The following C11orf65 variants were observed in gnomAD, a reference collection of about 807,000 sequenced individuals.
C11orf65 encodes chromosome 11 open reading frame 65.
Under a neutral mutation model 35.3 loss-of-function variants are expected in C11orf65, and 38 were observed. The observed-to-expected ratio is 1.08, with a 90% CI of 0.83 to 1.41. The LOEUF (loss-of-function observed/expected upper bound fraction) is 1.41, where lower values mean the gene tolerates loss of function less well. C11orf65 is among the 40% of genes most tolerant of loss of function. The pLI is 0.00. For synonymous variants in C11orf65, 105 were observed against 114.4 expected (o/e 0.92, Z 0.53); for missense variants, 370 against 367.1 (o/e 1.01, Z -0.06).
At chr11:108,445,327 C>G (rs1374574467) in intron 2 of C11orf65, among the ~76,000 whole-genome samples, 1 of 152,164 alleles carries the variant, frequency 6.6e-6, no homozygotes, top group African/African-American at 2.4e-5. Context: ...TCCCTGACCC[C>G]CGAGCAGCCT....
intron 2 of C11orf65, among the ~76,000 whole-genome samples, chr11:108,438,472 A>G (rs968769390): frequency 1.3e-5 from 2 of 151,794 alleles, no homozygotes; most frequent in Non-Finnish European, 2.9e-5. Flanking sequence ...AATCCCTCAA[A>G]CCTGGGAGGC....
chr11:108,431,979 G>A, intron 2 of C11orf65, 141 bp from the exon 3 acceptor site: 2 of 451,768 alleles, frequency 4.4e-6, no homozygotes, highest in South Asian at 1.1e-4. Context: ...GAAATATTAT[G>A]CACTCAGGGT....
chr11:108,321,953 A>G (rs567081787), intron 6 of C11orf65, among the ~76,000 whole-genome samples: 2 of 152,154 alleles, frequency 1.3e-5, no homozygotes, highest in African/African-American at 4.8e-5. Flanking sequence ...TTTTCTCTTT[A>G]TAACTTTTTC....
At chr11:108,355,013 T>C in intron 2 of C11orf65, 1 of 747,910 alleles carries the variant, frequency 1.3e-6, no homozygotes, top group Non-Finnish European at 2.3e-6. Flanking sequence ...AGGAGGAGAT[T>C]GTGCACTTAG....
intron 2 of C11orf65, among the ~76,000 whole-genome samples, chr11:108,445,355 C>A (rs549992679): frequency 6.6e-5 from 10 of 152,308 alleles, no homozygotes; most frequent in African/African-American, 7.2e-5. Flanking sequence ...AGGCACCCCC[C>A]AGTAAGGGCA....
At chr11:108,435,575 CCT>C (rs1264920927) in intron 2 of C11orf65, among the ~76,000 whole-genome samples, 2 of 152,100 alleles carry the variant, frequency 1.3e-5, no homozygotes, top group South Asian at 2.1e-4. Flanking sequence ...TTCCTCCACC[CCT>C]GAGCAAGGAA....
At chr11:108,389,332 G>GC (rs2092091235) in intron 7 of C11orf65, among the ~76,000 whole-genome samples, 1 of 152,202 alleles carries the variant, frequency 6.6e-6, no homozygotes, top group Non-Finnish European at 1.5e-5. Context: ...GCTAGGGGAA[G>GC]GCCTTTGCAA....
At chr11:108,338,161 C>A (rs1038342050) in intron 2 of C11orf65, among the ~76,000 whole-genome samples, 4 of 152,176 alleles carry the variant, frequency 2.6e-5, no homozygotes, top group African/African-American at 9.7e-5. Flanking sequence ...CCAGCCTGGC[C>A]AACATGGCCA....
chr11:108,342,983 G>A (rs1591245743), intron 2 of C11orf65, among the ~76,000 whole-genome samples: 1 of 152,152 alleles, frequency 6.6e-6, no homozygotes, highest in African/African-American at 2.4e-5. Flanking sequence ...TCAGAGAATC[G>A]TGGGGATTGA....
At chr11:108,409,197 A>G (rs1036362480) in intron 3 of C11orf65, among the ~76,000 whole-genome samples, 5 of 152,318 alleles carry the variant, frequency 3.3e-5, no homozygotes, top group South Asian at 4.1e-4. Flanking sequence ...TTTCACTGCT[A>G]TCTAACATTC....
intron 3 of C11orf65, among the ~76,000 whole-genome samples, chr11:108,414,350 GA>G (rs1236871245): frequency 6.7e-5 from 10 of 148,594 alleles, no homozygotes; most frequent in East Asian, 2.0e-4. Flanking sequence ...AATGGTGAAG[GA>G]AAAAAAAAGA....
chr11:108,446,298 C>T (rs1368696298), intron 2 of C11orf65, among the ~76,000 whole-genome samples: 1 of 151,230 alleles, frequency 6.6e-6, no homozygotes, highest in Non-Finnish European at 1.5e-5. Flanking sequence ...AAAGATACTC[C>T]TTGAGAAGAG....
At chr11:108,365,797 A>G (rs2091286003) in intron 2 of C11orf65, 3 of 406,374 alleles carry the variant, frequency 7.4e-6, no homozygotes, top group Admixed American at 7.9e-5. Context: ...GCGGATCACA[A>G]GGTCAGGAGT....
intron 6 of C11orf65, among the ~76,000 whole-genome samples, chr11:108,317,703 T>C (rs986680916): frequency 7.0e-6 from 1 of 143,458 alleles, no homozygotes; most frequent in Admixed American, 7.0e-5. Flanking sequence ...ATATATATAG[T>C]GTGTATGTGT....
At chr11:108,400,672 G>GC (rs1258157589) in intron 6 of C11orf65, among the ~76,000 whole-genome samples, 1 of 152,170 alleles carries the variant, frequency 6.6e-6, no homozygotes, top group African/African-American at 2.4e-5. Context: ...AAGCCTCGCT[G>GC]CAATTGTGCC....
chr11:108,450,806 A>C (rs1359882701), intron 2 of C11orf65, among the ~76,000 whole-genome samples: 2 of 151,920 alleles, frequency 1.3e-5, no homozygotes, highest in African/African-American at 2.4e-5. Context: ...AGCCTTATCC[A>C]CCATGATCAA....
rs768791795 is a variant in C11orf65, at chr11:108,325,440, A to G, written c.641-16369T>C. The G allele has an allele frequency of 1.9e-6, 3 of 1,613,602 alleles. No individual in the cohort carries two copies. The highest frequency in any genetic ancestry group is 2.5e-6 in the Non-Finnish European group (3 of 1,179,852). On this transcript the variant is annotated intron_variant, in intron 6 of 6. Transcript: ENST00000525729. ...ACGCACAGTCATTTTGGAGATCCTG[A>G]TGGAAAAGGAAATGGACAACTCACA... is the stretch of plus-strand genomic sequence containing the variant.
intron 2 of C11orf65, among the ~76,000 whole-genome samples, chr11:108,353,146 A>G (rs138682334): frequency 6.6e-6 from 1 of 152,050 alleles, no homozygotes; most frequent in East Asian, 1.9e-4. Flanking sequence ...ATCTCATAAA[A>G]TGTCATTAAT....
chr11:108,408,510 T>C (rs2092588393), intron 3 of C11orf65, among the ~76,000 whole-genome samples: 2 of 151,584 alleles, frequency 1.3e-5, no homozygotes, highest in Admixed American at 6.6e-5. Flanking sequence ...ACCCTGTCTC[T>C]ACTAAAAATA....
Sources: gnomAD v4.1 joint callset for allele counts (sites outside exome capture counted in the v4.1 genomes callset) on GRCh38, gnomAD v4.1.1 for gene constraint, MANE v1.5 for transcripts, NCBI Gene and HGNC (gene_info 2026-07-23, HGNC 2026-07-21) for gene names.